Variants in HOOK3 observed in about 807,000 individuals in gnomAD.
HOOK3 encodes protein Hook homolog 3.
HOOK3 carries 24 observed loss-of-function variants against 116.3 expected under a neutral mutation model. That is an observed-to-expected ratio of 0.21 (90% CI 0.15 to 0.29). HOOK3 has a LOEUF of 0.29. Ranked by LOEUF, HOOK3 falls within the 10% of genes least tolerant of loss-of-function variation. The pLI is 1.00. For missense variants in HOOK3, 632 were observed against 830.2 expected, an observed-to-expected ratio of 0.76 and a Z score of 2.93; for synonymous variants, 275 against 283.0, an observed-to-expected ratio of 0.97 and a Z score of 0.28.
chr8:42,930,086 G>C (rs1807845120), intron 3 of HOOK3, 36 bp from the exon 4 acceptor site: 4 of 1,544,776 alleles, frequency 2.6e-6, no homozygotes, highest in Non-Finnish European at 3.5e-6. Flanking sequence ...GATCTGTCTT[G>C]CCTTTTACCC....
At chr8:42,988,302 G>A (rs1292041351) in intron 15 of HOOK3, among the ~76,000 whole-genome samples, 1 of 152,134 alleles carries the variant, frequency 6.6e-6, no homozygotes, top group Non-Finnish European at 1.5e-5. Context: ...CTTGATGTTC[G>A]CCTCATTCAT....
intron 2 of HOOK3, among the ~76,000 whole-genome samples, chr8:42,913,040 A>G (rs1807463248): frequency 6.6e-6 from 1 of 152,106 alleles, no homozygotes; most frequent in African/African-American, 2.4e-5. Flanking sequence ...AACTTACAGT[A>G]TGCATTTTAG....
At chr8:42,994,080 G>A (rs1469730129) in intron 15 of HOOK3, among the ~76,000 whole-genome samples, 7 of 152,002 alleles carry the variant, frequency 4.6e-5, no homozygotes, top group Non-Finnish European at 8.8e-5. Flanking sequence ...GTAGTGGCGC[G>A]ATCTCGGCTC....
chr8:43,003,092 A>G (rs1035419510), intron 17 of HOOK3, among the ~76,000 whole-genome samples: 3 of 152,150 alleles, frequency 2.0e-5, no homozygotes, highest in Non-Finnish European at 4.4e-5. Flanking sequence ...ATCCTTTTCT[A>G]GCAAAACTCC....
chr8:42,986,252 T>A (rs1809047270), intron 14 of HOOK3, among the ~76,000 whole-genome samples: 1 of 152,218 alleles, frequency 6.6e-6, no homozygotes, highest in African/African-American at 2.4e-5. Context: ...CTGAATGTCT[T>A]GAAGTGATTC....
chr8:42,943,203 C>A, intron 4 of HOOK3, 110 bp from the exon 5 acceptor site: 1 of 558,246 alleles, frequency 1.8e-6, no homozygotes, highest in Non-Finnish European at 2.8e-6. Context: ...GGAACATAAT[C>A]ACTCTGTCCT....
chr8:43,002,127 G>A lies in HOOK3; in HGVS notation c.1641G>A (p.Lys547=). ...TTTAGTCAGTCCTTCTAAAAAAGAAGCTTGAAGAACATCTGTAAGTATAAA... is the reference window on the plus strand; with the variant it reads ...TTTAGTCAGTCCTTCTAAAAAAGAAACTTGAAGAACATCTGTAAGTATAAA... ...KAEDSVLLKK[K]LEEHLEKLHE... is the part of the protein sequence containing the mutation. Residue 547 remains lysine (K), a synonymous_variant, in exon 17 of 22, where the codon AAG becomes AAA. Transcript: ENST00000307602. The A allele has an allele frequency of 1.3e-6, 2 of 1,594,608 alleles. No individual in the cohort carries two copies. The highest frequency in any genetic ancestry group is 1.1e-5 in the South Asian group (1 of 90,452).
At chr8:42,927,917 C>A (rs965841146) in intron 3 of HOOK3, among the ~76,000 whole-genome samples, 1 of 152,094 alleles carries the variant, frequency 6.6e-6, no homozygotes, top group Non-Finnish European at 1.5e-5. Context: ...GAGGTCAAGG[C>A]GGGTGGATCA....
intron 1 of HOOK3, among the ~76,000 whole-genome samples, chr8:42,897,464 G>T (rs1316714787): frequency 6.6e-6 from 1 of 152,158 alleles, no homozygotes; most frequent in Non-Finnish European, 1.5e-5. Context: ...GCTGCGCTGC[G>T]CTCTGGGGGT....
At chr8:42,956,906 A>G (rs1808447330) in intron 6 of HOOK3, among the ~76,000 whole-genome samples, 188 bp from the exon 7 acceptor site, 1 of 152,202 alleles carries the variant, frequency 6.6e-6, no homozygotes, top group Non-Finnish European at 1.5e-5. Context: ...AAATGAAGGC[A>G]TTATTCTGGA....
At chr8:43,009,738 T>C (rs918546825) in intron 18 of HOOK3, among the ~76,000 whole-genome samples, 3 of 152,200 alleles carry the variant, frequency 2.0e-5, no homozygotes, top group Admixed American at 6.5e-5. Flanking sequence ...GACATTCACA[T>C]AGCACAACTC....
chr8:42,976,822 G>C (rs1004897289), intron 13 of HOOK3, among the ~76,000 whole-genome samples: 9 of 152,154 alleles, frequency 5.9e-5, no homozygotes, highest in African/African-American at 2.2e-4. Flanking sequence ...GCGTGAACCC[G>C]GGAGGCAGAG....
intron 13 of HOOK3, among the ~76,000 whole-genome samples, chr8:42,978,281 C>T (rs1389427769): frequency 1.3e-5 from 2 of 152,130 alleles, no homozygotes; most frequent in Non-Finnish European, 2.9e-5. Flanking sequence ...TCGCTCTTGT[C>T]ACTCAGGCTG....
chr8:42,984,676 C>G (rs556464793), intron 14 of HOOK3, among the ~76,000 whole-genome samples: 1 of 152,078 alleles, frequency 6.6e-6, no homozygotes, highest in Non-Finnish European at 1.5e-5. Context: ...CCAAGGCAGG[C>G]GGATCACTTG....
chr8:42,968,608 G>A (rs747586281), intron 11 of HOOK3, among the ~76,000 whole-genome samples: 1 of 152,148 alleles, frequency 6.6e-6, no homozygotes, highest in Non-Finnish European at 1.5e-5. Context: ...AGGATTACAA[G>A]CGTGAGCCAC....
At chr8:42,912,208 T>A (rs1446053869) in intron 2 of HOOK3, among the ~76,000 whole-genome samples, 1 of 152,206 alleles carries the variant, frequency 6.6e-6, no homozygotes, top group Non-Finnish European at 1.5e-5. Flanking sequence ...AGTGAGAAGC[T>A]ACATCATTTT....
At chr8:42,946,599 T>C (rs1435570478) in intron 5 of HOOK3, among the ~76,000 whole-genome samples, 1 of 152,062 alleles carries the variant, frequency 6.6e-6, no homozygotes, top group Non-Finnish European at 1.5e-5. Context: ...TTCTATTAAC[T>C]TGTTGTTTGT....
intron 10 of HOOK3, among the ~76,000 whole-genome samples, chr8:42,967,319 A>G (rs1379131296): frequency 6.6e-6 from 1 of 152,076 alleles, no homozygotes; most frequent in African/African-American, 2.4e-5. Flanking sequence ...TGTCTCCTAT[A>G]GCAGCGAAGA....
intron 1 of HOOK3, among the ~76,000 whole-genome samples, chr8:42,905,727 A>C (rs1807292994): frequency 6.6e-6 from 1 of 151,792 alleles, no homozygotes; most frequent in Non-Finnish European, 1.5e-5. Context: ...GTTTCCAATT[A>C]GACTTCTTTT....
Sources: gnomAD v4.1 joint callset for allele counts (sites outside exome capture counted in the v4.1 genomes callset) on GRCh38, gnomAD v4.1.1 for gene constraint, MANE v1.5 for transcripts, NCBI Gene and HGNC (gene_info 2026-07-23, HGNC 2026-07-21) for gene names.